The following PAX2 variants were observed in gnomAD, a reference collection of about 807,000 sequenced individuals.
PAX2 encodes paired box protein Pax-2.
Under a neutral mutation model 41.7 loss-of-function variants are expected in PAX2, and 9 were observed. The observed-to-expected ratio is 0.22, with a 90% confidence interval of 0.13 to 0.38. PAX2 has a LOEUF of 0.38. Ranked by LOEUF, PAX2 falls within the 10% of genes least tolerant of loss-of-function variation. The pLI is 1.00. For synonymous variants in PAX2, 221 were observed against 212.7 expected, an observed-to-expected ratio of 1.04 and a Z score of -0.34; for missense variants, 418 against 531.6, an observed-to-expected ratio of 0.79 and a Z score of 2.10.
chr10:100,753,072 G>T (rs890843092), intron 3 of PAX2, among the ~76,000 whole-genome samples: 1 of 152,232 alleles, frequency 6.6e-6, no homozygotes, highest in Non-Finnish European at 1.5e-5. Context: ...TGGGTGTGGA[G>T]AAATAGCCAT....
intron 7 of PAX2, among the ~76,000 whole-genome samples, chr10:100,817,446 GGCCCTGAGCCAACAGGCTACACA>G (rs754386840): frequency 5.6e-4 from 85 of 152,348 alleles, no homozygotes; most frequent in Non-Finnish European, 9.3e-4. Flanking sequence ...CCTCCTGTGA[GGCCCTGAGCCAACAGGCTACACA>G]GCCCAGAGGA....
In PAX2 at chr10:100,750,957, C is replaced by T. The variant is rs1306571398; in HGVS notation, c.410+66C>T. ...CCTGGCTCCTGCCTGCAGGGGTGTC[C>T]CACGCCCAGTCTCTGCTCTTTGTCC... On this transcript the variant is annotated intron_variant, in intron 3 of 9. Coordinates refer to ENST00000355243, the MANE Select transcript of PAX2 (RefSeq NM_000278.5). The surrounding 1 kb of genome is among the most constrained non-coding windows in gnomAD (Gnocchi z 4.1). 9 of 1,201,384 alleles carry T rather than the reference C, an allele frequency of 7.5e-6. No individual in the cohort carries two copies. The highest frequency in any genetic ancestry group is 1.5e-5 in the African/African-American group (1 of 67,094). 74.4% of individuals were successfully genotyped at this position (1,201,384 alleles called of 1,614,324 possible).
At chr10:100,737,900 A>C (rs894073158) in intron 1 of PAX2, among the ~76,000 whole-genome samples, 1 of 152,218 alleles carries the variant, frequency 6.6e-6, no homozygotes, top group Non-Finnish European at 1.5e-5. Context: ...AGTCTCGCTG[A>C]GCCTGTTCCG....
intron 1 of PAX2, among the ~76,000 whole-genome samples, chr10:100,736,721 C>T (rs1426912784): frequency 2.6e-5 from 4 of 152,122 alleles, no homozygotes; most frequent in Non-Finnish European, 5.9e-5. Flanking sequence ...GGGCCTTGTC[C>T]CCACTGGGAA....
At chr10:100,776,386 C>G (rs1401734605) in intron 3 of PAX2, among the ~76,000 whole-genome samples, 1 of 152,184 alleles carries the variant, frequency 6.6e-6, no homozygotes, top group Non-Finnish European at 1.5e-5. Flanking sequence ...CCTTCGGTCC[C>G]CATGTTGCTG....
rs1174273031 is a variant in PAX2 at position 100,828,063 on chromosome 10, G to A, written c.*444G>A. 5 of 236,580 alleles carry A rather than the reference G, an allele frequency of 2.1e-5. No individual in the cohort carries two copies. In the East Asian group the frequency reaches 3.1e-4, roughly 15 times the overall value. 14.7% of individuals were successfully genotyped at this position (236,580 alleles called of 1,614,324 possible). ...CGGCCCAGCCCCGGGCACCCGCCTC[G>A]GACGCTCGGGCGCCAGGAGGCTTCG... On this transcript the variant is annotated 3_prime_UTR_variant, in exon 10 of 10. Coordinates refer to ENST00000355243, the MANE Select transcript of PAX2 (RefSeq NM_000278.5). This position sits in a 1 kb window ranked among gnomAD's most constrained non-coding sequence, Gnocchi z 6.5.
Position 100,746,196 on chromosome 10 carries a change from T to G in PAX2, c.-65T>G. 6.3e-7 allele frequency: 1 copy of G among 1,580,106 alleles called. No individual in the cohort carries two copies. The highest frequency in any genetic ancestry group is 8.6e-7 in the Non-Finnish European group (1 of 1,159,120). ...GTCCCTCCCTTTTCTCCTCAAGTCC[T>G]GAAGTTGAGTTTGAGAGGCGACACG... On this transcript the variant is annotated 5_prime_UTR_variant, in exon 1 of 10. Transcript: ENST00000355243.
upstream of PAX2, among the ~76,000 whole-genome samples, chr10:100,741,805 G>T (rs1844965680): frequency 6.6e-6 from 1 of 152,196 alleles, no homozygotes; most frequent in Admixed American, 6.5e-5. Context: ...TTCTCCCCTT[G>T]GTTCTAAACA....
In PAX2 at chr10:100,826,612, TC is replaced by T. The variant is rs1404240394; in HGVS notation, c.1022-394del. 6.6e-6 allele frequency among the ~76,000 whole-genome samples: 1 copy of T among 152,152 alleles called. No homozygotes were observed. The highest frequency in any genetic ancestry group is 1.5e-5 in the Non-Finnish European group (1 of 68,020). Reference sequence around the variant, plus strand: ...GCCTTTCTTCGCCACCGCCCCCCACTCCCATTTCCACCCATTAGGGGCCATG... The same window carrying T: ...GCCTTTCTTCGCCACCGCCCCCCACTCCATTTCCACCCATTAGGGGCCATG... On this transcript the variant is annotated intron_variant, in intron 8 of 9. Transcript: ENST00000355243. The surrounding 1 kb of genome is among the most constrained non-coding windows in gnomAD (Gnocchi z 5.5).
At chr10:100,782,693 T>C (rs937911702) in intron 5 of PAX2, among the ~76,000 whole-genome samples, 1 of 152,294 alleles carries the variant, frequency 6.6e-6, no homozygotes, top group African/African-American at 2.4e-5. Flanking sequence ...TTCTCCTTCT[T>C]CCAAAATATC....
chr10:100,743,224 C>T (rs982985731), upstream of PAX2, among the ~76,000 whole-genome samples: 2 of 152,166 alleles, frequency 1.3e-5, no homozygotes, highest in African/African-American at 4.8e-5. Flanking sequence ...AGGGTCTTTA[C>T]TCCTCAGAAG....
chr10:100,782,102 C>T (rs1348945343), intron 5 of PAX2, among the ~76,000 whole-genome samples: 2 of 152,104 alleles, frequency 1.3e-5, no homozygotes, highest in African/African-American at 2.4e-5. Flanking sequence ...TCTTCTGATG[C>T]GTGAAGCTGG....
At chr10:100,818,175 G>A (rs4919499) in intron 7 of PAX2, among the ~76,000 whole-genome samples, 9,969 of 152,264 alleles carry the variant, frequency 0.065, 468 homozygotes, top group African/African-American at 0.12. Flanking sequence ...GCAGTGTCAA[G>A]TGGGTAGCAA....
intron 7 of PAX2, among the ~76,000 whole-genome samples, chr10:100,813,078 T>A (rs914841795): frequency 2.0e-5 from 3 of 152,218 alleles, no homozygotes; most frequent in Non-Finnish European, 2.9e-5. Flanking sequence ...GTTTACGAAT[T>A]TGCACTGGAC....
At chr10:100,735,482 C>G (rs1025651402) in exon 1 of PAX2, 9 of 241,592 alleles carry the variant, frequency 3.7e-5, no homozygotes, top group African/African-American at 2.0e-4. Flanking sequence ...ACCCGGGCTC[C>G]TCGGGGTGCC....
rs148563370 is a variant in PAX2, at chr10:100,810,706, C to T, written c.919+1470C>T. ...TTCAAAGAGAACCCGGGAGACTTCT[C>T]TAACCCCATCTGCTGCCCAGCGCTC... On this transcript the variant is annotated intron_variant, in intron 7 of 9. Transcript: ENST00000355243. Among the ~76,000 whole-genome samples the T allele has an allele frequency of 4.8e-3, 726 of 152,358 alleles. 6 individuals are homozygous for T. Among genetic ancestry groups the T allele is most frequent in the African/African-American group, 0.016 (680 of 41,582 alleles).
intron 5 of PAX2, among the ~76,000 whole-genome samples, chr10:100,795,112 A>G (rs750802907): frequency 2.0e-5 from 3 of 152,256 alleles, no homozygotes; most frequent in Non-Finnish European, 4.4e-5. Context: ...ACAGCCATCA[A>G]TCATTTTACT....
chr10:100,746,226 C>T lies in PAX2; in HGVS notation c.-35C>T. 1.9e-6 allele frequency: 3 copies of T among 1,613,156 alleles called. No homozygotes were observed. Among genetic ancestry groups the T allele is most frequent in the Non-Finnish European group, 2.5e-6 (3 of 1,179,694 alleles). On this transcript the variant is annotated 5_prime_UTR_variant, in exon 1 of 10. Coordinates refer to ENST00000355243, the MANE Select transcript of PAX2 (RefSeq NM_000278.5). ...TTGAGTTTGAGAGGCGACACGGCGG[C>T]GGCGGCCGCGCTGCTCCCGCTCCTC...
In PAX2 at chr10:100,750,096, G is replaced by A; in HGVS notation, c.212+182G>A. Among the ~76,000 whole-genome samples, 1 of 152,236 alleles carries A rather than the reference G, an allele frequency of 6.6e-6. No individual in the cohort carries two copies. Among genetic ancestry groups the A allele is most frequent in the Non-Finnish European group, 1.5e-5 (1 of 68,042 alleles). The stretch of plus-strand genomic sequence containing the variant: ...TCAGATGGTGGCTGAAGACCCAGGA[G>A]CGAGGGTGGCGCAGTGTCACCCAGT... On this transcript the variant is annotated intron_variant, in intron 2 of 9. Coordinates refer to ENST00000355243, the MANE Select transcript of PAX2 (RefSeq NM_000278.5). The surrounding 1 kb of genome is among the most constrained non-coding windows in gnomAD (Gnocchi z 4.1).
Sources: allele counts gnomAD v4.1 joint callset (sites outside exome capture counted in the v4.1 genomes callset), GRCh38; gene constraint gnomAD v4.1.1; non-coding constraint Gnocchi (gnomAD v3.1); transcripts MANE v1.5; gene names NCBI Gene and HGNC (gene_info 2026-07-23, HGNC 2026-07-21).